Variants in WFDC2 observed in about 807,000 individuals in gnomAD.
WFDC2 encodes the protein WAP four-disulfide core domain 2.
A neutral mutation model predicts 12.5 loss-of-function variants in WFDC2; 8 were observed. The ratio of observed to expected loss-of-function variants is 0.64; its 90% confidence interval spans 0.37 to 1.15. The LOEUF (loss-of-function observed/expected upper bound fraction) is 1.15. Among genes scored for constraint, WFDC2 ranks in the 50% most tolerant of loss-of-function variants. WFDC2 has a pLI of 0.01. For synonymous variants in WFDC2, 74 were observed against 67.2 expected (o/e 1.10, Z -0.49); for missense variants, 166 against 159.9 (o/e 1.04, Z -0.21).
intron 2 of WFDC2, chr20:45,479,323 T>C (rs975647359): frequency 2.7e-6 from 1 of 371,790 alleles, no homozygotes; most frequent in Non-Finnish European, 5.0e-6. Flanking sequence ...ACACATAGAC[T>C]CTGCAGCTAG....
Position 45,470,731 on chromosome 20 carries a change from AG to A in WFDC2, c.223+206del, listed in dbSNP as rs570529233. ...CAAAGGCGTCGTTGAAACGCAGCCA[AG>A]GGGGGGTCCCCACCCCTAGCTGGGA... is the stretch of plus-strand genomic sequence containing the variant. On this transcript the variant is annotated intron_variant, in intron 2 of 3. Coordinates refer to ENST00000372676, the MANE Select transcript of WFDC2 (RefSeq NM_006103.4). This position sits in a 1 kb window ranked among gnomAD's most constrained non-coding sequence, Gnocchi z 5.4. 3.3e-5 allele frequency among the ~76,000 whole-genome samples: 5 copies of A among 152,198 alleles called. No homozygotes were observed. Among genetic ancestry groups the A allele is most frequent in the South Asian group, 4.2e-4 (2 of 4,816 alleles).
Position 45,470,257 on chromosome 20 carries a change from T to C in WFDC2, c.80-132T>C, listed in dbSNP as rs973706492. On this transcript the variant is annotated intron_variant, in intron 1 of 3. Transcript: ENST00000372676. The surrounding 1 kb of genome is among the most constrained non-coding windows in gnomAD (Gnocchi z 5.4). ...CTCCTGGTCTGGAAGAAGGAGTCTC[T>C]GGGGGCTGTAAGGGGACTCCTAGGG... The C allele has an allele frequency of 2.4e-4, 314 of 1,298,054 alleles. No homozygotes were observed. Among genetic ancestry groups the C allele is most frequent in the Non-Finnish European group, 3.1e-4 (305 of 971,612 alleles). 80.4% of individuals were successfully genotyped at this position (1,298,054 alleles called of 1,614,324 possible).
chr20:45,471,066 G>A (rs753045100), intron 2 of WFDC2: 21 of 463,636 alleles, frequency 4.5e-5, no homozygotes, highest in African/African-American at 1.8e-4. Flanking sequence ...AGGGAGCATC[G>A]GTGAGAAAAA....
At chr20:45,472,827 A>G (rs1385502790) in intron 2 of WFDC2, among the ~76,000 whole-genome samples, 1 of 152,114 alleles carries the variant, frequency 6.6e-6, no homozygotes, top group African/African-American at 2.4e-5. Context: ...AAGCATTCCT[A>G]TTTCTCCACA....
At chr20:45,480,190 C>T in intron 3 of WFDC2, 96 bp downstream of exon 3, 1 of 1,546,260 alleles carries the variant, frequency 6.5e-7, no homozygotes, top group Non-Finnish European at 8.8e-7. Flanking sequence ...AGGTTAGTTG[C>T]AGGGACAGTT....
chr20:45,477,306 G>A (rs955018198), intron 2 of WFDC2, among the ~76,000 whole-genome samples: 4 of 152,140 alleles, frequency 2.6e-5, no homozygotes, highest in South Asian at 4.1e-4. Context: ...CCCCATCTTC[G>A]TGGATTTATC....
At chr20:45,477,807 A>T (rs1991251732) in intron 2 of WFDC2, among the ~76,000 whole-genome samples, 1 of 152,070 alleles carries the variant, frequency 6.6e-6, no homozygotes, top group East Asian at 1.9e-4. Flanking sequence ...TGGGAGTTTT[A>T]CCTATAAGCC....
intron 2 of WFDC2, chr20:45,479,416 T>C: frequency 1.9e-6 from 1 of 527,908 alleles, no homozygotes; most frequent in South Asian, 2.6e-5. Flanking sequence ...GTTTCCTCAC[T>C]TGTAACACAA....
At chr20:45,475,279 A>G (rs972522694) in intron 2 of WFDC2, among the ~76,000 whole-genome samples, 22 of 152,084 alleles carry the variant, frequency 1.4e-4, no homozygotes, top group Non-Finnish European at 2.4e-4. Flanking sequence ...TAGGGTGTCA[A>G]TTTTGGATCT....
chr20:45,475,708 T>C (rs1055110369), intron 2 of WFDC2, among the ~76,000 whole-genome samples: 1 of 152,232 alleles, frequency 6.6e-6, no homozygotes, highest in African/African-American at 2.4e-5. Context: ...GGTCCAGAGC[T>C]GAGTTCAAGT....
intron 2 of WFDC2, among the ~76,000 whole-genome samples, chr20:45,473,938 T>C (rs1157022996): frequency 2.6e-5 from 4 of 152,214 alleles, no homozygotes; most frequent in Admixed American, 6.5e-5. Context: ...TTATTCTCTT[T>C]GTAGCAATTG....
intron 2 of WFDC2, among the ~76,000 whole-genome samples, chr20:45,478,719 A>G (rs1159127616): frequency 6.6e-6 from 1 of 151,764 alleles, no homozygotes; most frequent in Non-Finnish European, 1.5e-5. Context: ...TCTGTCTCCC[A>G]GGTGCAAGCG....
chr20:45,474,919 G>C (rs1235842729), intron 2 of WFDC2, among the ~76,000 whole-genome samples: 3 of 152,186 alleles, frequency 2.0e-5, no homozygotes, highest in African/African-American at 7.2e-5. Context: ...GGGTGTATGT[G>C]TCCAGGAATT....
intron 2 of WFDC2, chr20:45,479,628 T>C (rs978943274): frequency 4.5e-6 from 7 of 1,544,328 alleles, no homozygotes; most frequent in Non-Finnish European, 5.4e-6. Context: ...ACAACAACCC[T>C]ATGTTGTAAT....
intron 2 of WFDC2, among the ~76,000 whole-genome samples, chr20:45,478,785 C>T (rs1234406077): frequency 6.6e-6 from 1 of 152,036 alleles, no homozygotes; most frequent in Non-Finnish European, 1.5e-5. Flanking sequence ...GCCACCACGC[C>T]CAGTTAACTT....
intron 1 of WFDC2, 94 bp downstream of exon 1, chr20:45,469,954 G>C (rs1991145283): frequency 6.8e-7 from 1 of 1,470,836 alleles, no homozygotes; most frequent in Admixed American, 2.2e-5. Flanking sequence ...GGAGGCTGGG[G>C]AAGTGGGAAT....
intron 2 of WFDC2, among the ~76,000 whole-genome samples, chr20:45,476,728 G>A (rs1477218734): frequency 6.6e-6 from 1 of 152,160 alleles, no homozygotes; most frequent in Non-Finnish European, 1.5e-5. Context: ...TTCTTGCTAG[G>A]TTGGGGAAGT....
In WFDC2 at chr20:45,470,243, G is replaced by C; in HGVS notation, c.80-146G>C. 8.3e-7 allele frequency: 1 copy of C among 1,204,154 alleles called. No homozygotes were observed. Among genetic ancestry groups the C allele is most frequent in the South Asian group, 1.6e-5 (1 of 62,264 alleles). The allele number at this position is 1,204,154 out of a possible 1,614,324, so 74.6% of individuals were successfully genotyped here. A position where few individuals can be genotyped will look rare whatever the true frequency, so the allele number is the denominator to read the frequency against. On this transcript the variant is annotated intron_variant, in intron 1 of 3. Coordinates refer to ENST00000372676, the MANE Select transcript of WFDC2 (RefSeq NM_006103.4). This position sits in a 1 kb window ranked among gnomAD's most constrained non-coding sequence, Gnocchi z 5.4. ...CCAGGGGTCAGGGACTCCTGGTCTG[G>C]AAGAAGGAGTCTCTGGGGGCTGTAA...
rs1356341263 is a variant in WFDC2 at position 45,470,279 on chromosome 20, A to C, written c.80-110A>C. The C allele has an allele frequency of 1.4e-6, 2 of 1,425,334 alleles. No individual in the cohort carries two copies. Among genetic ancestry groups the C allele is most frequent in the Non-Finnish European group, 1.9e-6 (2 of 1,076,422 alleles). 88.3% of individuals were successfully genotyped at this position (1,425,334 alleles called of 1,614,324 possible). ...CTCTGGGGGCTGTAAGGGGACTCCT[A>C]GGGCCAGAGACTGAGAATTCCTTGG... On this transcript the variant is annotated intron_variant, in intron 1 of 3. Transcript: ENST00000372676. This position sits in a 1 kb window ranked among gnomAD's most constrained non-coding sequence, Gnocchi z 5.4.
Sources: gnomAD v4.1 joint callset for allele counts (sites outside exome capture counted in the v4.1 genomes callset) on GRCh38, gnomAD v4.1.1 for gene constraint, Gnocchi (gnomAD v3.1) non-coding constraint, MANE v1.5 for transcripts, NCBI Gene and HGNC (gene_info 2026-07-23, HGNC 2026-07-21) for gene names.